The following DIAPH3 variants were observed in gnomAD, a reference collection of about 807,000 sequenced individuals.
The protein encoded by DIAPH3 is diaphanous related formin 3.
In DIAPH3, 117 loss-of-function variants were observed where a neutral mutation model predicts 144.3. That is an observed-to-expected ratio of 0.81 (90% CI 0.70 to 0.95). The LOEUF is 0.95. Among genes scored for constraint, DIAPH3 ranks in the 40% least tolerant of loss-of-function variants. The pLI is 0.00. For synonymous variants in DIAPH3, 519 were observed against 488.9 expected (o/e 1.06, Z -0.81); for missense variants, 1,421 against 1,412.7 (o/e 1.01, Z -0.09).
At chr13:59,672,464 G>A (rs2032425921) in intron 27 of DIAPH3, among the ~76,000 whole-genome samples, 1 of 152,108 alleles carries the variant, frequency 6.6e-6, no homozygotes, top group Non-Finnish European at 1.5e-5. Context: ...TTTACCTTTT[G>A]TTTTTAACTA....
At chr13:59,977,144 T>C (rs970675791) in intron 14 of DIAPH3, among the ~76,000 whole-genome samples, 1 of 151,728 alleles carries the variant, frequency 6.6e-6, no homozygotes, top group African/African-American at 2.4e-5. Context: ...ATATGGTCAG[T>C]GTACTTTTAG....
intron 17 of DIAPH3, among the ~76,000 whole-genome samples, chr13:59,944,795 G>GA (rs68168683): frequency 3.0e-5 from 1 of 33,342 alleles, no homozygotes; most frequent in Non-Finnish European, 9.9e-5. Context: ...TAGAAAAAAA[G>GA]GGGGGGGGCT....
chr13:59,798,028 T>C (rs2039703280), intron 25 of DIAPH3, among the ~76,000 whole-genome samples: 1 of 152,164 alleles, frequency 6.6e-6, no homozygotes. Flanking sequence ...CTATGTGTTC[T>C]AAAGCTGGTA....
At chr13:59,902,536 G>T (rs560914449) in intron 20 of DIAPH3, among the ~76,000 whole-genome samples, 1 of 152,272 alleles carries the variant, frequency 6.6e-6, no homozygotes, top group Non-Finnish European at 1.5e-5. Context: ...CACTTTGGGA[G>T]GCCAAGGCAG....
chr13:60,036,616 T>C (rs2055247142), intron 5 of DIAPH3, among the ~76,000 whole-genome samples: 1 of 152,008 alleles, frequency 6.6e-6, no homozygotes, highest in Non-Finnish European at 1.5e-5. Context: ...ATACACCCAA[T>C]AAAACCTTTA....
intron 3 of DIAPH3, among the ~76,000 whole-genome samples, chr13:60,096,191 C>A (rs775794191): frequency 6.6e-6 from 1 of 152,268 alleles, no homozygotes; most frequent in South Asian, 2.1e-4. Context: ...TCTGAGAGCA[C>A]TGGAAAATTC....
At chr13:59,667,478 TG>T (rs2032087912) in intron 27 of DIAPH3, among the ~76,000 whole-genome samples, 1 of 152,218 alleles carries the variant, frequency 6.6e-6, no homozygotes, top group Non-Finnish European at 1.5e-5. Context: ...TGAATAATAA[TG>T]AGATTAATTT....
rs527327858 is a variant in DIAPH3 at position 59,954,947 on chromosome 13, C to T, written c.2074+14997G>A. 1.3e-3 allele frequency among the ~76,000 whole-genome samples: 204 copies of T among 152,048 alleles called. 1 individual carries two copies. Among genetic ancestry groups the T allele is most frequent in the African/African-American group, 4.3e-3 (177 of 41,470 alleles). On this transcript the variant is annotated intron_variant, in intron 17 of 27. Transcript: ENST00000400324. ...GTCCCATCTCCAACACCAGAAATTACAATTCAACATGAGATTTGGGTGGGG... is the reference window on the plus strand; with the variant it reads ...GTCCCATCTCCAACACCAGAAATTATAATTCAACATGAGATTTGGGTGGGG...
intron 1 of DIAPH3, among the ~76,000 whole-genome samples, chr13:60,136,929 G>A (rs1306787678): frequency 7.7e-6 from 1 of 130,148 alleles, no homozygotes; most frequent in Admixed American, 8.3e-5. Context: ...GACAGAGCGA[G>A]ACTCCGTCTC....
At chr13:59,826,324 T>C (rs1282823454) in intron 24 of DIAPH3, among the ~76,000 whole-genome samples, 12 of 109,336 alleles carry the variant, frequency 1.1e-4, no homozygotes, top group Non-Finnish European at 2.2e-4. Flanking sequence ...ATAAGCAACT[T>C]CAGCAAAGTC....
At chr13:60,139,747 C>T (rs1205641261) in intron 1 of DIAPH3, among the ~76,000 whole-genome samples, 1 of 152,162 alleles carries the variant, frequency 6.6e-6, no homozygotes, top group African/African-American at 2.4e-5. Context: ...TAACATAACT[C>T]CAATATTCTT....
chr13:59,858,148 T>C (rs1407101985), intron 22 of DIAPH3, among the ~76,000 whole-genome samples: 1 of 152,002 alleles, frequency 6.6e-6, no homozygotes, highest in African/African-American at 2.4e-5. Context: ...ATTATGGGAA[T>C]TGAAAACATC....
intron 4 of DIAPH3, among the ~76,000 whole-genome samples, chr13:60,051,374 CTT>C (rs1443237910): frequency 1.3e-5 from 2 of 152,240 alleles, no homozygotes; most frequent in Non-Finnish European, 2.9e-5. Context: ...AATCCCAACA[CTT>C]TGGGAGGCTA....
intron 17 of DIAPH3, among the ~76,000 whole-genome samples, chr13:59,968,170 G>A (rs1022980283): frequency 3.3e-5 from 5 of 152,072 alleles, no homozygotes; most frequent in East Asian, 1.9e-4. Context: ...ATTTTTTAAA[G>A]GTCCAATTAT....
chr13:60,065,937 T>C (rs973915471), intron 4 of DIAPH3, among the ~76,000 whole-genome samples: 15 of 152,288 alleles, frequency 9.8e-5, no homozygotes, highest in South Asian at 8.3e-4. Flanking sequence ...ATGATTAATA[T>C]TCATGATGAT....
chr13:59,774,617 T>C, intron 26 of DIAPH3, 111 bp downstream of exon 26: 4 of 1,009,884 alleles, frequency 4.0e-6, no homozygotes, highest in Non-Finnish European at 6.2e-6. Flanking sequence ...TGAACAGTTG[T>C]TGCCCACGGC....
intron 17 of DIAPH3, among the ~76,000 whole-genome samples, chr13:59,962,252 C>T (rs1219141989): frequency 6.6e-6 from 1 of 152,106 alleles, no homozygotes; most frequent in African/African-American, 2.4e-5. Context: ...AAGAAGTGGA[C>T]CCTTTCTCAA....
At chr13:59,998,872 A>T (rs2052363705) in intron 9 of DIAPH3, among the ~76,000 whole-genome samples, 1 of 152,176 alleles carries the variant, frequency 6.6e-6, no homozygotes, top group African/African-American at 2.4e-5. Context: ...CTCAACAATG[A>T]TCCTAAAAAT....
intron 27 of DIAPH3, among the ~76,000 whole-genome samples, chr13:59,690,295 C>A (rs1286239264): frequency 6.6e-6 from 1 of 152,060 alleles, no homozygotes; most frequent in East Asian, 1.9e-4. Flanking sequence ...CATGAGCAGG[C>A]AAGAATTACC....
Sources: gnomAD v4.1 joint callset for allele counts (sites outside exome capture counted in the v4.1 genomes callset) on GRCh38, gnomAD v4.1.1 for gene constraint, MANE v1.5 for transcripts, NCBI Gene and HGNC (gene_info 2026-07-23, HGNC 2026-07-21) for gene names.